The following HDAC4 variants were observed in gnomAD, a reference collection of about 807,000 sequenced individuals.
HDAC4 encodes the protein histone deacetylase A.
In HDAC4, 16 loss-of-function variants were observed where a neutral mutation model predicts 135.1. The ratio of observed to expected loss-of-function variants is 0.12; its 90% CI spans 0.08 to 0.18. HDAC4 has a LOEUF of 0.18. Ranked by LOEUF, HDAC4 falls within the 10% of genes least tolerant of loss-of-function variation. The pLI is 1.00. For synonymous variants in HDAC4, 685 were observed against 653.4 expected (o/e 1.05, Z -0.74); for missense variants, 1,143 against 1,511.8 (o/e 0.76, Z 4.05).
Position 239,309,740 on chromosome 2 carries a change from C to A in HDAC4, c.22+42938G>T, listed in dbSNP as rs866512879. 6.6e-6 allele frequency among the ~76,000 whole-genome samples: 1 copy of A among 152,224 alleles called. No homozygotes were observed. Among genetic ancestry groups the A allele is most frequent in the South Asian group, 2.1e-4 (1 of 4,832 alleles). On this transcript the variant is annotated intron_variant, in intron 2 of 26. Coordinates refer to ENST00000543185, the MANE Select transcript of HDAC4 (RefSeq NM_001378414.1). The surrounding 1 kb of genome is among the most constrained non-coding windows in gnomAD (Gnocchi z 4.2). ...GGGGCCTCAAGGGAGGCAATCCCCC[C>A]ACACACCATCCCCTTCCCCTTCGCT...
chr2:239,280,167 G>C (rs935062552), intron 2 of HDAC4, among the ~76,000 whole-genome samples: 1 of 151,666 alleles, frequency 6.6e-6, no homozygotes, highest in East Asian at 1.9e-4. Context: ...AAAACATGTT[G>C]GTCAAAGAAA....
chr2:239,386,997 C>G (rs1290270285), intron 1 of HDAC4, among the ~76,000 whole-genome samples: 1 of 152,256 alleles, frequency 6.6e-6, no homozygotes, highest in African/African-American at 2.4e-5. Context: ...AGACTGCACA[C>G]GACTCCAGTG....
intron 6 of HDAC4, among the ~76,000 whole-genome samples, chr2:239,159,983 G>T (rs939309136): frequency 1.3e-5 from 2 of 152,254 alleles, no homozygotes; most frequent in Non-Finnish European, 2.9e-5. Context: ...TGGCTTGACT[G>T]TAGAATAAAG....
chr2:239,180,680 C>A (rs906966087), intron 4 of HDAC4, among the ~76,000 whole-genome samples: 3 of 152,246 alleles, frequency 2.0e-5, no homozygotes, highest in African/African-American at 7.2e-5. Context: ...CTCAAACTGG[C>A]GCTGGCAGTG....
At chr2:239,133,450 G>A (rs570807962) in intron 11 of HDAC4, among the ~76,000 whole-genome samples, 36 of 152,342 alleles carry the variant, frequency 2.4e-4, no homozygotes, top group Admixed American at 2.1e-3. Context: ...GCACGGCAAG[G>A]GGGTAGGTAG....
rs1313062152 is a variant in HDAC4 at position 239,391,750 on chromosome 2, T to C, written c.-220+9228A>G. Among the ~76,000 whole-genome samples the C allele has an allele frequency of 3.9e-5, 6 of 152,016 alleles. No individual in the cohort carries two copies. The East Asian group carries it at 9.7e-4, about 24-fold the overall frequency. ...AGTGTGACGAGCAGGAGAGAGCACA[T>C]CCACCAATCAGACCCTTCACCCCAC... is the stretch of plus-strand genomic sequence containing the variant. On this transcript the variant is annotated intron_variant, in intron 1 of 26. Coordinates refer to ENST00000543185, the MANE Select transcript of HDAC4 (RefSeq NM_001378414.1).
At chr2:239,353,154 CA>C (rs1356008638) in intron 1 of HDAC4, among the ~76,000 whole-genome samples, 14 of 152,302 alleles carry the variant, frequency 9.2e-5, no homozygotes, top group African/African-American at 3.4e-4. Flanking sequence ...GCTGGGAACA[CA>C]GGTGCATGCC....
chr2:239,360,088 A>T (rs1308910893), intron 1 of HDAC4, among the ~76,000 whole-genome samples: 1 of 152,156 alleles, frequency 6.6e-6, no homozygotes, highest in African/African-American at 2.4e-5. Context: ...AAGCAGGTGG[A>T]GGGACCCAGA....
At chr2:239,130,511 G>A (rs139618986) in intron 11 of HDAC4, among the ~76,000 whole-genome samples, 133 of 151,140 alleles carry the variant, frequency 8.8e-4, no homozygotes, top group African/African-American at 3.2e-3. Context: ...TCTGTGACAG[G>A]GCCACCTCCA....
chr2:239,315,340 C>G (rs543767770), intron 2 of HDAC4, among the ~76,000 whole-genome samples: 1 of 152,284 alleles, frequency 6.6e-6, no homozygotes, highest in South Asian at 2.1e-4. Flanking sequence ...CTTGGCTAAA[C>G]AAACTTTTTA....
intron 19 of HDAC4, among the ~76,000 whole-genome samples, chr2:239,084,662 A>G (rs1469129034): frequency 1.3e-5 from 2 of 148,916 alleles, no homozygotes; most frequent in African/African-American, 2.5e-5. Flanking sequence ...ACAGACACAC[A>G]CACCACAGAG....
chr2:239,394,087 G>C (rs1696406497), intron 1 of HDAC4, among the ~76,000 whole-genome samples: 1 of 151,928 alleles, frequency 6.6e-6, no homozygotes. Flanking sequence ...CAGATGATGG[G>C]CCATTCCCAA....
intron 13 of HDAC4, among the ~76,000 whole-genome samples, chr2:239,114,137 C>G (rs1456193243): frequency 6.6e-6 from 1 of 152,198 alleles, no homozygotes; most frequent in Non-Finnish European, 1.5e-5. Context: ...TTAAGGGGAA[C>G]AGTTTACTGC....
intron 24 of HDAC4, among the ~76,000 whole-genome samples, chr2:239,056,958 A>C (rs1336960674): frequency 6.6e-6 from 1 of 152,202 alleles, no homozygotes. Flanking sequence ...CTCCTTGAAA[A>C]ACCATGAAAG....
At chr2:239,364,840 C>T (rs956352633) in intron 1 of HDAC4, among the ~76,000 whole-genome samples, 1 of 152,194 alleles carries the variant, frequency 6.6e-6, no homozygotes, top group Non-Finnish European at 1.5e-5. Context: ...TTCTTACAAC[C>T]AGTACATGTA....
chr2:239,326,513 T>A (rs775033351), intron 2 of HDAC4, among the ~76,000 whole-genome samples: 1 of 152,284 alleles, frequency 6.6e-6, no homozygotes, highest in Admixed American at 6.5e-5. Flanking sequence ...AATTATAAAT[T>A]TATGTTATGT....
chr2:239,207,173 A>G (rs1385976466), intron 3 of HDAC4, among the ~76,000 whole-genome samples: 1 of 152,216 alleles, frequency 6.6e-6, no homozygotes, highest in Non-Finnish European at 1.5e-5. Flanking sequence ...TGGGCCAAAG[A>G]AGAAGCCATA....
chr2:239,152,007 C>T (rs913484902), intron 7 of HDAC4, among the ~76,000 whole-genome samples: 10 of 152,074 alleles, frequency 6.6e-5, no homozygotes, highest in African/African-American at 2.4e-4. Flanking sequence ...TTGTTTTGGC[C>T]TCCTTTCATC....
At chr2:239,398,666 G>T (rs1432273303) in intron 1 of HDAC4, among the ~76,000 whole-genome samples, 1 of 152,244 alleles carries the variant, frequency 6.6e-6, no homozygotes. Context: ...AGGCCTCCGA[G>T]AATATGGCAT....
Sources: gnomAD v4.1 joint callset for allele counts (sites outside exome capture counted in the v4.1 genomes callset) on GRCh38, gnomAD v4.1.1 for gene constraint, Gnocchi (gnomAD v3.1) non-coding constraint, MANE v1.5 for transcripts, NCBI Gene and HGNC (gene_info 2026-07-23, HGNC 2026-07-21) for gene names.